The following XIST variants were observed in gnomAD, a reference collection of about 807,000 sequenced individuals.
XIST encodes X inactive specific transcript (non-protein coding).
chrX:73,826,302 A>G, exon 6 of XIST: 1 of 559,196 alleles, frequency 1.8e-6, no homozygotes, highest in Non-Finnish European at 3.2e-6. Context: ...TTCTGGGGTC[A>G]AAAGAAAGGA....
At chrX:73,833,667 T>C (rs1029279395) in intron 2 of XIST, 2 of 157,369 alleles carry the variant, frequency 1.3e-5, no homozygotes, top group African/African-American at 6.1e-5. Flanking sequence ...GGTCATCCTG[T>C]TGCTGAAAAT....
exon 1 of XIST, chrX:73,850,938 C>G (rs1045431632): frequency 3.6e-6 from 2 of 556,604 alleles, no homozygotes; most frequent in African/African-American, 4.5e-5. Flanking sequence ...ACCTTGAAAA[C>G]ACCTGGTGTA....
exon 6 of XIST, chrX:73,823,188 A>G (rs1438742640): frequency 1.8e-6 from 1 of 548,236 alleles, no homozygotes; most frequent in African/African-American, 2.2e-5. Context: ...TTAAAGAACA[A>G]ACCCTGAGCC....
chrX:73,846,943 C>A (rs373579228), exon 1 of XIST: 106 of 557,684 alleles, frequency 1.9e-4, no homozygotes, highest in Non-Finnish European at 3.1e-4. Context: ...AATTACATGC[C>A]ATCTACAGTT....
At chrX:73,823,921 G>A (rs1472260315) in exon 6 of XIST, 1 of 554,053 alleles carries the variant, frequency 1.8e-6, no homozygotes, top group Non-Finnish European at 3.3e-6. Context: ...GAGCCCCACA[G>A]AAAGTAATCA....
At chrX:73,827,686 G>A in exon 6 of XIST, 1 of 550,206 alleles carries the variant, frequency 1.8e-6, no homozygotes, top group South Asian at 2.3e-5. Flanking sequence ...GCAGAGAAAG[G>A]AGAGGTAGAC....
chrX:73,826,781 C>T, exon 6 of XIST: 1 of 558,482 alleles, frequency 1.8e-6, no homozygotes, highest in Non-Finnish European at 3.2e-6. Flanking sequence ...GGCTTTGTGA[C>T]AGGGGCCTTC....
rs1198844598 is a variant in XIST at position 73,827,124 on chromosome X, T to C, written n.12777A>G. The C allele has an allele frequency of 7.2e-6, 4 of 558,795 alleles. No homozygotes were observed. In the South Asian group the frequency reaches 8.9e-5, roughly 12 times the overall value. The allele number at this position is 558,795 out of a possible 1,213,427, so 46.1% of individuals were successfully genotyped here. A position where few individuals can be genotyped will look rare whatever the true frequency, so the allele number is the denominator to read the frequency against. On this transcript the variant is annotated non_coding_transcript_exon_variant, in exon 6 of 6. Transcript: ENST00000429829. Reference sequence around the variant, plus strand: ...CTATCCATATGAGCCTTCCACCTTCTGCCCTACTTGAGTTCTGGGTTTTAC... The same window carrying C: ...CTATCCATATGAGCCTTCCACCTTCCGCCCTACTTGAGTTCTGGGTTTTAC...
chrX:73,832,749 TG>T (rs1922410716), intron 3 of XIST, among the ~76,000 whole-genome samples: 1 of 111,613 alleles, frequency 9.0e-6, no homozygotes, highest in Non-Finnish European at 1.9e-5. Flanking sequence ...CAAGTATGCT[TG>T]CCCTTACAGA....
exon 1 of XIST, chrX:73,844,085 G>A (rs1209096276): frequency 7.2e-6 from 4 of 556,398 alleles, no homozygotes; most frequent in African/African-American, 2.2e-5. Context: ...ATAAGGAGTG[G>A]GCACCCACTA....
exon 1 of XIST, chrX:73,847,237 T>C (rs1304855873): frequency 1.8e-6 from 1 of 557,968 alleles, no homozygotes; most frequent in East Asian, 3.2e-5. Flanking sequence ...CCTGCAGTAA[T>C]GCAAATGGAG....
chrX:73,830,269 C>CT (rs1186323185), intron 4 of XIST, among the ~76,000 whole-genome samples: 1 of 112,150 alleles, frequency 8.9e-6, no homozygotes, highest in East Asian at 2.8e-4. Flanking sequence ...CCTAGACTTT[C>CT]TAACAATTTG....
At position 73,836,683 on chromosome X, in the gene XIST, G is replaced by A. The variant is rs1030204283; in HGVS notation, n.11406+757C>T. The stretch of plus-strand genomic sequence containing the variant: ...GAATGACACTCCAGTAGTAATGAGC[G>A]CACCTAGCATTCACTTCTTGATTTC... On this transcript the variant is annotated intron_variant and non_coding_transcript_variant, in intron 2 of 5. Transcript: ENST00000429829. Among the ~76,000 whole-genome samples, 9 of 111,589 alleles carry A rather than the reference G, an allele frequency of 8.1e-5. No individual in the cohort carries two copies. The East Asian group carries it at 2.2e-3, about 28-fold the overall frequency.
chrX:73,829,813 A>G (rs1922345192), intron 4 of XIST, among the ~76,000 whole-genome samples: 1 of 105,088 alleles, frequency 9.5e-6, no homozygotes, highest in East Asian at 3.1e-4. Context: ...AAAAAAAAAG[A>G]CTTCCATCCT....
intron 2 of XIST, among the ~76,000 whole-genome samples, chrX:73,836,635 T>C (rs1310959472): frequency 8.9e-6 from 1 of 111,827 alleles, no homozygotes; most frequent in Non-Finnish European, 1.9e-5. Flanking sequence ...TCCTTGCTCT[T>C]GTCAACTGAA....
At chrX:73,831,268 G>A in exon 4 of XIST, 1 of 534,657 alleles carries the variant, frequency 1.9e-6, no homozygotes, top group Non-Finnish European at 3.4e-6. Context: ...ATTCTTCTGA[G>A]GAAGATCTGA....
At chrX:73,822,527 AT>A (rs1187558380) in exon 6 of XIST, 3 of 514,256 alleles carry the variant, frequency 5.8e-6, no homozygotes, top group Non-Finnish European at 1.0e-5. Flanking sequence ...ATGAAAAAAA[AT>A]AAACAGTAAC....
chrX:73,822,162 G>A (rs1331625546), exon 6 of XIST: 5 of 556,995 alleles, frequency 9.0e-6, no homozygotes, highest in Non-Finnish European at 1.3e-5. Context: ...GAATTAGTTG[G>A]TCATCATCCC....
exon 6 of XIST, chrX:73,822,679 C>T (rs762717333): frequency 1.9e-6 from 1 of 534,366 alleles, no homozygotes. Flanking sequence ...CACTTCATTC[C>T]ATTTTTGTGT....
Sources: allele counts gnomAD v4.1 joint callset (sites outside exome capture counted in the v4.1 genomes callset), GRCh38; gene constraint gnomAD v4.1.1; transcripts MANE v1.5; gene names NCBI Gene and HGNC (gene_info 2026-07-23, HGNC 2026-07-21).